EPC2: variants seen among roughly 807,000 people sequenced by gnomAD.
EPC2 encodes the protein enhancer of polycomb 2, also known as enhancer of polycomb homolog 2.
Under a neutral mutation model 92.1 loss-of-function variants are expected in EPC2, and 14 were observed. That is an observed-to-expected ratio of 0.15 (90% CI 0.10 to 0.24). The LOEUF (loss-of-function observed/expected upper bound fraction) is 0.24. EPC2 is among the 10% of genes least tolerant of loss of function. The pLI is 1.00. For missense variants in EPC2, 755 were observed against 971.5 expected, an observed-to-expected ratio of 0.78 and a Z score of 2.96; for synonymous variants, 340 against 334.7, an observed-to-expected ratio of 1.02 and a Z score of -0.17.
intron 1 of EPC2, among the ~76,000 whole-genome samples, chr2:148,657,518 G>A (rs866508666): frequency 3.9e-5 from 6 of 152,060 alleles, no homozygotes; most frequent in African/African-American, 1.2e-4. Flanking sequence ...CTAGAATAGG[G>A]CCTGGGAATT....
At chr2:148,652,981 A>G (rs1448598473) in intron 1 of EPC2, among the ~76,000 whole-genome samples, 1 of 151,892 alleles carries the variant, frequency 6.6e-6, no homozygotes, top group Non-Finnish European at 1.5e-5. Flanking sequence ...TTCTAGTATC[A>G]TTTTTCTCAC....
At chr2:148,743,166 A>AT (rs1256787853) in intron 2 of EPC2, among the ~76,000 whole-genome samples, 2 of 151,894 alleles carry the variant, frequency 1.3e-5, no homozygotes, top group African/African-American at 2.4e-5. Flanking sequence ...ATTCAGCTTA[A>AT]TTTTTTTAAG....
intron 2 of EPC2, among the ~76,000 whole-genome samples, chr2:148,714,979 G>A (rs918864149): frequency 2.7e-5 from 4 of 149,290 alleles, no homozygotes; most frequent in South Asian, 2.1e-4. Flanking sequence ...TGAAATCTTC[G>A]CCCATGCCTA....
At chr2:148,777,738 A>G (rs1217921958) in intron 10 of EPC2, among the ~76,000 whole-genome samples, 1 of 152,154 alleles carries the variant, frequency 6.6e-6, no homozygotes, top group African/African-American at 2.4e-5. Context: ...GAAATGAGGG[A>G]TGGCTGGGAC....
At chr2:148,778,780 C>A (rs1683696427) in intron 10 of EPC2, among the ~76,000 whole-genome samples, 1 of 152,010 alleles carries the variant, frequency 6.6e-6, no homozygotes, top group African/African-American at 2.4e-5. Context: ...TGAGGAAAAT[C>A]AGCTTGTTTC....
chr2:148,740,427 G>C (rs977269492), intron 2 of EPC2, among the ~76,000 whole-genome samples: 1 of 152,066 alleles, frequency 6.6e-6, no homozygotes, highest in African/African-American at 2.4e-5. Flanking sequence ...TATGGGTTTT[G>C]AGTGAAAGAG....
chr2:148,694,800 T>C (rs1172915632), intron 2 of EPC2, among the ~76,000 whole-genome samples: 1 of 152,230 alleles, frequency 6.6e-6, no homozygotes, highest in African/African-American at 2.4e-5. Context: ...AATCTTGCTC[T>C]GTTGCCCAGG....
At chr2:148,760,709 A>G (rs774938963) in intron 4 of EPC2, among the ~76,000 whole-genome samples, 6 of 152,236 alleles carry the variant, frequency 3.9e-5, no homozygotes, top group African/African-American at 7.2e-5. Context: ...GTGGAATACC[A>G]TAATGGGACT....
intron 1 of EPC2, among the ~76,000 whole-genome samples, chr2:148,685,847 A>C (rs1681509022): frequency 6.6e-6 from 1 of 152,274 alleles, no homozygotes; most frequent in African/African-American, 2.4e-5. Flanking sequence ...TGTGTCTAAA[A>C]TATATCCATT....
chr2:148,737,295 A>G (rs191180932), intron 2 of EPC2, among the ~76,000 whole-genome samples: 218 of 152,130 alleles, frequency 1.4e-3, no homozygotes, highest in Middle Eastern at 6.8e-3. Flanking sequence ...TCAACACGTT[A>G]TTTCATTTTG....
chr2:148,706,567 G>C (rs898993116), intron 2 of EPC2, among the ~76,000 whole-genome samples: 5 of 152,148 alleles, frequency 3.3e-5, no homozygotes, highest in Non-Finnish European at 7.4e-5. Flanking sequence ...AGGTTGAAAT[G>C]AAGGAAAAAA....
At chr2:148,709,514 C>CA (rs1001647941) in intron 2 of EPC2, among the ~76,000 whole-genome samples, 26 of 151,904 alleles carry the variant, frequency 1.7e-4, no homozygotes, top group African/African-American at 5.3e-4. Context: ...CATATGGAAC[C>CA]AAAAAAAGAG....
chr2:148,786,487 T>G lies in EPC2; in HGVS notation c.*110T>G. 3.7e-6 allele frequency: 3 copies of G among 805,718 alleles called. No individual in the cohort carries two copies. The highest frequency in any genetic ancestry group is 6.2e-6 in the Non-Finnish European group (3 of 486,830). 49.9% of individuals were successfully genotyped at this position (805,718 alleles called of 1,614,324 possible). A position where few individuals can be genotyped will look rare whatever the true frequency, so the allele number is the denominator to read the frequency against. On this transcript the variant is annotated 3_prime_UTR_variant, in exon 14 of 14. Coordinates refer to ENST00000258484, the MANE Select transcript of EPC2 (RefSeq NM_015630.4). The stretch of plus-strand genomic sequence containing the variant: ...CACAGAGTGTAACAATGGACCTAAA[T>G]GGACTATAGTATATTGGATGTTAAA...
intron 2 of EPC2, among the ~76,000 whole-genome samples, chr2:148,742,655 C>G (rs1286164676): frequency 6.6e-6 from 1 of 151,710 alleles, no homozygotes; most frequent in Non-Finnish European, 1.5e-5. Flanking sequence ...TTGTGCACAC[C>G]TGTAGTCCCA....
rs1158392919 is a variant in EPC2 at position 148,787,234 on chromosome 2, T to A, written c.*857T>A. On this transcript the variant is annotated 3_prime_UTR_variant, in exon 14 of 14. Coordinates refer to ENST00000258484, the MANE Select transcript of EPC2 (RefSeq NM_015630.4). ...AAAAGATACTTTACCAGGTATGTAT[T>A]GCATTATATCATTGCAATAATTATT... 1 of 152,110 alleles carries A rather than the reference T, an allele frequency of 6.6e-6. No individual in the cohort carries two copies. Among genetic ancestry groups the A allele is most frequent in the Non-Finnish European group, 1.5e-5 (1 of 67,978 alleles). The allele number at this position is 152,110 out of a possible 1,614,324, so 9.4% of individuals were successfully genotyped here. A position where few individuals can be genotyped will look rare whatever the true frequency, so the allele number is the denominator to read the frequency against.
chr2:148,760,032 C>T (rs1052809322), intron 4 of EPC2, among the ~76,000 whole-genome samples: 2 of 152,088 alleles, frequency 1.3e-5, no homozygotes, highest in Admixed American at 6.6e-5. Flanking sequence ...CATTTGAGGT[C>T]AGGAGTTTGA....
chr2:148,695,024 C>T (rs1330888968), intron 2 of EPC2, among the ~76,000 whole-genome samples: 1 of 152,246 alleles, frequency 6.6e-6, no homozygotes, highest in African/African-American at 2.4e-5. Flanking sequence ...GTGATCTGCC[C>T]ACCTTGGCCT....
intron 7 of EPC2, among the ~76,000 whole-genome samples, chr2:148,765,424 T>C (rs924823622): frequency 6.6e-6 from 1 of 152,188 alleles, no homozygotes; most frequent in African/African-American, 2.4e-5. Context: ...TTAAAATAGA[T>C]TCTTAGAAAT....
At chr2:148,744,992 C>CCG (rs1277368913) in intron 3 of EPC2, among the ~76,000 whole-genome samples, 2 of 103,430 alleles carry the variant, frequency 1.9e-5, no homozygotes, top group Non-Finnish European at 2.3e-5. Flanking sequence ...TCAGTTTGCC[C>CCG]CCCCCCCCCG....
Sources: gnomAD v4.1 joint callset for allele counts (sites outside exome capture counted in the v4.1 genomes callset) on GRCh38, gnomAD v4.1.1 for gene constraint, MANE v1.5 for transcripts, NCBI Gene and HGNC (gene_info 2026-07-23, HGNC 2026-07-21) for gene names.